The following RSRP1 variants were observed in gnomAD, a reference collection of about 807,000 sequenced individuals.
The protein encoded by RSRP1 is arginine/serine-rich protein 1.
A neutral mutation model predicts 33.0 loss-of-function variants in RSRP1; 37 were observed. That is an observed-to-expected ratio of 1.12 (90% CI 0.86 to 1.48). The LOEUF (loss-of-function observed/expected upper bound fraction) is 1.48. Among genes scored for constraint, RSRP1 ranks in the 40% most tolerant of loss-of-function variants. RSRP1 has a pLI of 0.00. For missense variants in RSRP1, 402 were observed against 385.3 expected, an observed-to-expected ratio of 1.04 and a Z score of -0.36; for synonymous variants, 167 against 158.7, an observed-to-expected ratio of 1.05 and a Z score of -0.40.
At position 25,306,700 on chromosome 1, in the gene RSRP1, G is replaced by T; in HGVS notation, c.-67+31278C>A. ...AGATCATCTACATTGTGCTGCTGGTGCTTGATACCGTCGGAGCCGGCAATG... is the reference window on the plus strand; with the variant it reads ...AGATCATCTACATTGTGCTGCTGGTTCTTGATACCGTCGGAGCCGGCAATG... On this transcript the variant is annotated intron_variant, in intron 1 of 1. Coordinates refer to the RSRP1 transcript ENST00000561867. The T allele has an allele frequency of 2.2e-6, 3 of 1,378,528 alleles. 1 individual carries two copies. Among genetic ancestry groups the T allele is most frequent in the Non-Finnish European group, 3.1e-6 (3 of 979,088 alleles). 85.4% of individuals were successfully genotyped at this position (1,378,528 alleles called of 1,614,324 possible).
Position 25,280,295 on chromosome 1 carries a change from GACTTCCTCATCT to G in RSRP1, c.-66-33278_-66-33267del, listed in dbSNP as rs1273981906. ...ATAAAGCCCCCACCCAGGATCCTCT[GACTTCCTCATCT>G]CTTTTTTTTTTTTTTTGAGCTGCAG... is the stretch of plus-strand genomic sequence containing the variant. On this transcript the variant is annotated intron_variant, in intron 1 of 1. Transcript: ENST00000561867. Among the ~76,000 whole-genome samples the G allele has an allele frequency of 3.2e-5, 4 of 124,246 alleles. 1 individual carries two copies. Among genetic ancestry groups the G allele is most frequent in the African/African-American group, 1.1e-4 (4 of 35,400 alleles). 81.5% of individuals were successfully genotyped at this position (124,246 alleles called of 152,430 possible). A position where few individuals can be genotyped will look rare whatever the true frequency, so the allele number is the denominator to read the frequency against.
intron 1 of RSRP1, among the ~76,000 whole-genome samples, chr1:25,287,838 C>T (rs144312559): frequency 0.024 from 2,012 of 85,292 alleles, 297 homozygotes; most frequent in African/African-American, 0.055. Context: ...CCTCCCACCT[C>T]AGCCTCCTGA....
chr1:25,268,631 G>A (rs1344594621), intron 1 of RSRP1, among the ~76,000 whole-genome samples: 1 of 130,170 alleles, frequency 7.7e-6, no homozygotes, highest in Non-Finnish European at 1.8e-5. Context: ...GAAGAAAGGG[G>A]AGTTGATGCT....
chr1:25,307,688 G>C lies in RSRP1; in HGVS notation c.-67+30290C>G, dbSNP rs190564421. On this transcript the variant is annotated intron_variant, in intron 1 of 1. Transcript: ENST00000561867. ...CTGGCTGTAAAAATGGCTGAAGCAG[G>C]TGATGAGGAGCTGATGCGTTTGGAC... 94 of 1,306,416 alleles carry C rather than the reference G, an allele frequency of 7.2e-5. 8 individuals are homozygous for C. The East Asian group carries it at 2.2e-3, about 30-fold the overall frequency. The allele number at this position is 1,306,416 out of a possible 1,614,324, so 80.9% of individuals were successfully genotyped here.
Position 25,246,459 on chromosome 1 carries a change from G to C in RSRP1, c.505C>G (p.Arg169Gly). ...ACCCACCCACCTTTTTCACTTAAGC[G>C]AAAGGGGGTTCTGCTCCGCGACCTC... The part of the protein sequence containing the change: ...RTRSRSRTPF[R>G]LSEKDRMELL... Residue 169 changes from arginine (R) to glycine (G), a missense_variant, in exon 2 of 5, where the codon CGC becomes GGC. Coordinates refer to ENST00000243189, the MANE Select transcript of RSRP1 (RefSeq NM_020317.5). 3 of 1,613,044 alleles carry C rather than the reference G, an allele frequency of 1.9e-6. No individual in the cohort carries two copies. The highest frequency in any genetic ancestry group is 1.7e-6 in the Non-Finnish European group (2 of 1,179,130).
At chr1:25,311,487 T>G (rs1644145678) in intron 1 of RSRP1, among the ~76,000 whole-genome samples, 1 of 128,734 alleles carries the variant, frequency 7.8e-6, no homozygotes. Context: ...ATCGCGCCAC[T>G]GCACTCCAGC....
chr1:25,310,016 C>T (rs1644058912), intron 1 of RSRP1, among the ~76,000 whole-genome samples: 2 of 132,682 alleles, frequency 1.5e-5, no homozygotes, highest in African/African-American at 5.1e-5. Flanking sequence ...ATAGTATAAG[C>T]TATATCCAGA....
chr1:25,285,345 G>T lies in RSRP1; in HGVS notation c.-66-38316C>A, dbSNP rs530977330. Among the ~76,000 whole-genome samples the T allele has an allele frequency of 1.3e-3, 170 of 134,150 alleles. 27 individuals carry two copies. Among genetic ancestry groups the T allele is most frequent in the African/African-American group, 4.1e-3 (160 of 38,724 alleles). 88.0% of individuals were successfully genotyped at this position (134,150 alleles called of 152,430 possible). ...GATAGGGTTTCTCCGTGTTGGTCAG[G>T]CTAGTCTCAAACTCCTGACCTCAGG... On this transcript the variant is annotated intron_variant, in intron 1 of 1. Coordinates refer to the RSRP1 transcript ENST00000561867.
chr1:25,281,634 G>C lies in RSRP1; in HGVS notation c.-66-34605C>G, dbSNP rs1044862140. Among the ~76,000 whole-genome samples, 7 of 131,280 alleles carry C rather than the reference G, an allele frequency of 5.3e-5. 1 individual carries two copies. The highest frequency in any genetic ancestry group is 1.8e-4 in the African/African-American group (7 of 38,268). The allele number at this position is 131,280 out of a possible 152,430, so 86.1% of individuals were successfully genotyped here. ...AGTAATCCCAAGAGGAACCCCTGTA[G>C]AAAATGTCCCCTGGCCACACACCCC... On this transcript the variant is annotated intron_variant, in intron 1 of 1. Transcript: ENST00000561867.
rs768516914 is a variant in RSRP1 at position 25,303,353 on chromosome 1, G to A, written c.-67+34625C>T. 3.6e-6 allele frequency: 5 copies of A among 1,372,120 alleles called. 1 individual carries two copies. Among genetic ancestry groups the A allele is most frequent in the Admixed American group, 3.6e-5 (2 of 56,270 alleles). The allele number at this position is 1,372,120 out of a possible 1,614,324, so 85.0% of individuals were successfully genotyped here. The stretch of plus-strand genomic sequence containing the variant: ...GTGCACAGTGCGGTGTTGGCAGGAG[G>A]CGTGGCTGTGGGTACCTCGTGTCAC... On this transcript the variant is annotated intron_variant, in intron 1 of 1. Transcript: ENST00000561867.
At chr1:25,335,823 T>C (rs1571787786) in intron 1 of RSRP1, 1 of 86,272 alleles carries the variant, frequency 1.2e-5, no homozygotes, top group Non-Finnish European at 2.8e-5. Flanking sequence ...TGAGACAGAG[T>C]CTCACCTGTT....
chr1:25,299,684 G>A lies in RSRP1; in HGVS notation c.-67+38294C>T, dbSNP rs1643230469. ...GGGTCGTGGCAAGAACCTGGACCTT[G>A]ACTTTGAGTGACATGGGAGCCGCTG... On this transcript the variant is annotated intron_variant, in intron 1 of 1. Coordinates refer to the RSRP1 transcript ENST00000561867. Among the ~76,000 whole-genome samples the A allele has an allele frequency of 1.5e-5, 2 of 132,422 alleles. 1 individual carries two copies. The allele number at this position is 132,422 out of a possible 152,430, so 86.9% of individuals were successfully genotyped here.
At chr1:25,274,000 CACTTCAATTT>C (rs1156788026) in intron 1 of RSRP1, among the ~76,000 whole-genome samples, 1 of 132,242 alleles carries the variant, frequency 7.6e-6, no homozygotes, top group Non-Finnish European at 1.8e-5. Context: ...AATTTTAATT[CACTTCAATTT>C]ACTCTAATTC....
intron 1 of RSRP1, chr1:25,301,539 G>A (rs141540728): frequency 7.3e-7 from 1 of 1,378,716 alleles, no homozygotes; most frequent in African/African-American, 1.4e-5. Flanking sequence ...TCTTGTGGAT[G>A]TTCTGGCCAA....
At chr1:25,245,385 T>C (rs1639285193) in intron 2 of RSRP1, 84 bp from the exon 3 acceptor site, 2 of 1,444,068 alleles carry the variant, frequency 1.4e-6, no homozygotes, top group Non-Finnish European at 1.9e-6. Flanking sequence ...ACAATAAATA[T>C]GTTATTTTGT....
intron 1 of RSRP1, among the ~76,000 whole-genome samples, chr1:25,259,742 G>C (rs1327617327): frequency 6.6e-6 from 1 of 151,850 alleles, no homozygotes; most frequent in African/African-American, 2.4e-5. Context: ...TTGGCCTCAT[G>C]ATCAGCCTGC....
chr1:25,242,724 A>AG lies in RSRP1; in HGVS notation c.757-20dup. ...CAGAATTCTGTAAAAGAACAAATTCAGTCAGCTTCCCAAACATACATTGTA... is the reference window on the plus strand; with the variant it reads ...CAGAATTCTGTAAAAGAACAAATTCAGGTCAGCTTCCCAAACATACATTGTA... On this transcript the variant is annotated intron_variant, in intron 4 of 4. Coordinates refer to ENST00000243189, the MANE Select transcript of RSRP1 (RefSeq NM_020317.5). 1 of 1,500,172 alleles carries AG rather than the reference A, an allele frequency of 6.7e-7. No individual in the cohort carries two copies. 92.9% of individuals were successfully genotyped at this position (1,500,172 alleles called of 1,614,324 possible).
In RSRP1 at chr1:25,299,489, A is replaced by C. The variant is rs574901504; in HGVS notation, c.-67+38489T>G. 1.5e-5 allele frequency among the ~76,000 whole-genome samples: 2 copies of C among 131,848 alleles called. 1 individual carries two copies. Among genetic ancestry groups the C allele is most frequent in the Non-Finnish European group, 3.6e-5 (2 of 55,820 alleles). 86.5% of individuals were successfully genotyped at this position (131,848 alleles called of 152,430 possible). ...CAAGGCACCCCGATTGCTTGCACCCAGGGTGGACTACTCCCTCCACCCTGC... is the reference window on the plus strand; with the variant it reads ...CAAGGCACCCCGATTGCTTGCACCCCGGGTGGACTACTCCCTCCACCCTGC... On this transcript the variant is annotated intron_variant, in intron 1 of 1. Coordinates refer to the RSRP1 transcript ENST00000561867.
intron 1 of RSRP1, among the ~76,000 whole-genome samples, chr1:25,296,780 G>T (rs1642995659): frequency 8.2e-6 from 1 of 121,590 alleles, no homozygotes; most frequent in South Asian, 2.6e-4. Context: ...CGTAAGATGT[G>T]CCTTGCTTCC....
Sources: allele counts gnomAD v4.1 joint callset (sites outside exome capture counted in the v4.1 genomes callset), GRCh38; gene constraint gnomAD v4.1.1; transcripts MANE v1.5; gene names NCBI Gene and HGNC (gene_info 2026-07-23, HGNC 2026-07-21).